Variants in SH3KBP1 observed in about 807,000 individuals in gnomAD.
The protein encoded by SH3KBP1 is SH3 domain-containing kinase-binding protein 1.
In SH3KBP1, 8 loss-of-function variants were observed where a neutral mutation model predicts 50.1. That is an observed-to-expected ratio of 0.16 (90% CI 0.09 to 0.29). The LOEUF (loss-of-function observed/expected upper bound fraction) is 0.29, where lower values mean the gene tolerates loss of function less well. Among genes scored for constraint, SH3KBP1 ranks in the 10% least tolerant of loss-of-function variants. SH3KBP1 has a pLI of 1.00. For missense variants in SH3KBP1, 377 were observed against 535.2 expected (o/e 0.70, Z 2.92); for synonymous variants, 227 against 218.6 (o/e 1.04, Z -0.34).
At chrX:19,584,370 C>T (rs981762046) in intron 12 of SH3KBP1, among the ~76,000 whole-genome samples, 6 of 104,102 alleles carry the variant, frequency 5.8e-5, no homozygotes, top group African/African-American at 2.1e-4. Flanking sequence ...CACTCTGTTG[C>T]CCAGGCTGGA....
At chrX:19,648,415 TGAAG>T (rs2062040525) in intron 6 of SH3KBP1, among the ~76,000 whole-genome samples, 1 of 67,194 alleles carries the variant, frequency 1.5e-5, no homozygotes, top group Admixed American at 2.2e-4. Flanking sequence ...GTTAGAAAGA[TGAAG>T]GAAGGAAGGA....
At chrX:19,614,049 G>A (rs754908498) in intron 8 of SH3KBP1, among the ~76,000 whole-genome samples, 4 of 112,838 alleles carry the variant, frequency 3.5e-5, no homozygotes, top group Non-Finnish European at 5.6e-5. Context: ...TTTGTCATGC[G>A]ACCCAGCGCC....
intron 2 of SH3KBP1, among the ~76,000 whole-genome samples, chrX:19,804,388 C>CT (rs1442709665): frequency 9.0e-6 from 1 of 110,567 alleles, no homozygotes; most frequent in Admixed American, 9.5e-5. Flanking sequence ...ATTAAGTACT[C>CT]TTTTTTTCCT....
In SH3KBP1 at chrX:19,545,948, T is replaced by G. The variant is rs754680401; in HGVS notation, c.1597A>C (p.Thr533Pro). The change falls in exon 15 of 18, where the codon ACT becomes CCT. Residue 533 changes from threonine to proline, a missense_variant. Around this residue, in one of 3 missense-constraint regions of SH3KBP1, gnomAD observed 110 missense variants for 124.1 expected, o/e 0.89. Coordinates refer to ENST00000397821, the MANE Select transcript of SH3KBP1 (RefSeq NM_031892.3). The part of the protein sequence containing the change: ...AHRGVDASKK[T>P]SKTVTISQVS... ...TGGGATATGGTAACAGTCTTGGAAG[T>G]TTTCTTTGACGCGTCCACTCCTCTG... The G allele has an allele frequency of 2.9e-5, 35 of 1,209,434 alleles. No homozygotes were observed. In the South Asian group the frequency reaches 6.2e-4, roughly 21 times the overall value.
chrX:19,730,138 G>A (rs1043778677), intron 3 of SH3KBP1, among the ~76,000 whole-genome samples: 5 of 111,329 alleles, frequency 4.5e-5, no homozygotes, highest in African/African-American at 1.6e-4. Context: ...TCAAAGAGCT[G>A]CTTTAAAGCT....
At chrX:19,730,885 T>A (rs1419752954) in intron 3 of SH3KBP1, among the ~76,000 whole-genome samples, 1 of 112,285 alleles carries the variant, frequency 8.9e-6, no homozygotes, top group East Asian at 2.8e-4. Context: ...CACATCTATA[T>A]AGAAAATAAA....
At chrX:19,755,572 A>C in intron 2 of SH3KBP1, among the ~76,000 whole-genome samples, 1 of 111,660 alleles carries the variant, frequency 9.0e-6, no homozygotes, top group Non-Finnish European at 1.9e-5. Context: ...CACATAAAAA[A>C]GAAAAAAATG....
intron 3 of SH3KBP1, among the ~76,000 whole-genome samples, chrX:19,723,152 A>G (rs1241217503): frequency 9.1e-6 from 1 of 110,266 alleles, no homozygotes; most frequent in African/African-American, 3.3e-5. Flanking sequence ...CAAAAAAAAA[A>G]AAAAAAAAAA....
At chrX:19,597,708 C>T (rs1017836854) in intron 9 of SH3KBP1, among the ~76,000 whole-genome samples, 2 of 112,253 alleles carry the variant, frequency 1.8e-5, no homozygotes, top group Admixed American at 9.4e-5. Context: ...CATGAGCTGC[C>T]GTGTCTGGCA....
chrX:19,566,599 G>A (rs965294236), intron 13 of SH3KBP1, among the ~76,000 whole-genome samples: 2 of 111,642 alleles, frequency 1.8e-5, no homozygotes, highest in African/African-American at 3.3e-5. Flanking sequence ...TGCGGTGGTA[G>A]AACCGGAACT....
intron 2 of SH3KBP1, among the ~76,000 whole-genome samples, chrX:19,751,757 G>T (rs890131941): frequency 2.7e-5 from 3 of 112,037 alleles, no homozygotes; most frequent in African/African-American, 6.5e-5. Flanking sequence ...AACAGAGCCT[G>T]GGATGGCTCA....
chrX:19,703,008 ATGGCAGGTGCTTTCT>A (rs1450668207), intron 4 of SH3KBP1, among the ~76,000 whole-genome samples: 1 of 112,299 alleles, frequency 8.9e-6, no homozygotes, highest in South Asian at 3.7e-4. Flanking sequence ...AGCCAGAAGC[ATGGCAGGTGCTTTCT>A]TGGCAGGTGC....
chrX:19,874,062 A>AT (rs1336839110), intron 1 of SH3KBP1, among the ~76,000 whole-genome samples: 73 of 88,779 alleles, frequency 8.2e-4, no homozygotes, highest in Admixed American at 2.0e-3. Context: ...AAAAAAAAAA[A>AT]AAAAAAATAT....
chrX:19,578,277 C>T (rs2066266637), intron 12 of SH3KBP1, among the ~76,000 whole-genome samples: 1 of 111,931 alleles, frequency 8.9e-6, no homozygotes, highest in South Asian at 3.7e-4. Context: ...TTCTTTCTTT[C>T]TCCAACTCTG....
At chrX:19,815,879 C>T (rs1275237817) in intron 2 of SH3KBP1, among the ~76,000 whole-genome samples, 3 of 111,794 alleles carry the variant, frequency 2.7e-5, no homozygotes, top group Admixed American at 9.5e-5. Flanking sequence ...ATGGTTGGAC[C>T]GGAACTTGTT....
chrX:19,626,595 T>A (rs1457724853), intron 8 of SH3KBP1, among the ~76,000 whole-genome samples: 1 of 110,504 alleles, frequency 9.0e-6, no homozygotes, highest in African/African-American at 3.3e-5. Context: ...GGGGACAGGG[T>A]CTCACTCTGT....
chrX:19,877,161 G>T (rs1442724708), intron 1 of SH3KBP1, among the ~76,000 whole-genome samples: 1 of 112,022 alleles, frequency 8.9e-6, no homozygotes, highest in Non-Finnish European at 1.9e-5. Flanking sequence ...GAGAACAAAG[G>T]GGTAATTAGA....
At chrX:19,827,427 C>T (rs1274375126) in intron 2 of SH3KBP1, among the ~76,000 whole-genome samples, 1 of 111,955 alleles carries the variant, frequency 8.9e-6, no homozygotes, top group Non-Finnish European at 1.9e-5. Flanking sequence ...GGCCTGTGTC[C>T]TGTTGAACTT....
chrX:19,610,280 AGT>A (rs1435048076), intron 8 of SH3KBP1, among the ~76,000 whole-genome samples: 1 of 111,978 alleles, frequency 8.9e-6, no homozygotes, highest in Non-Finnish European at 1.9e-5. Flanking sequence ...TACTAGCATC[AGT>A]CTTCAAAGAA....
Sources: allele counts gnomAD v4.1 joint callset (sites outside exome capture counted in the v4.1 genomes callset), GRCh38; gene constraint gnomAD v4.1.1; regional missense constraint gnomAD v4.1.1; transcripts MANE v1.5; gene names NCBI Gene and HGNC (gene_info 2026-07-23, HGNC 2026-07-21).